The following SPATA16 variants were observed in gnomAD, a reference collection of about 807,000 sequenced individuals.
The protein encoded by SPATA16 is spermatogenesis-associated protein 16.
A neutral mutation model predicts 63.3 loss-of-function variants in SPATA16; 36 were observed. That is an observed-to-expected ratio of 0.57 (90% CI 0.44 to 0.75). SPATA16 has a LOEUF of 0.75. Among genes scored for constraint, SPATA16 ranks in the 30% least tolerant of loss-of-function variants. The pLI, the probability that SPATA16 is intolerant of heterozygous loss-of-function variation, is 0.00. For synonymous variants in SPATA16, 203 were observed against 216.7 expected (o/e 0.94, Z 0.56); for missense variants, 646 against 679.3 (o/e 0.95, Z 0.54).
At chr3:172,957,765 AAAC>A (rs1176313528) in intron 5 of SPATA16, among the ~76,000 whole-genome samples, 2 of 152,208 alleles carry the variant, frequency 1.3e-5, no homozygotes, top group African/African-American at 4.8e-5. Flanking sequence ...ACCATTTAAC[AAAC>A]AACAATTTAC....
chr3:172,897,465 A>G (rs145125722), intron 10 of SPATA16, among the ~76,000 whole-genome samples: 1 of 152,114 alleles, frequency 6.6e-6, no homozygotes, highest in Admixed American at 6.5e-5. Flanking sequence ...CTTTGATTTC[A>G]TCACTGTTTT....
chr3:172,905,542 C>G (rs1322541962), intron 10 of SPATA16, among the ~76,000 whole-genome samples: 2 of 152,198 alleles, frequency 1.3e-5, no homozygotes, highest in African/African-American at 4.8e-5. Flanking sequence ...AATTTGTATT[C>G]TCTCCTGTTT....
At chr3:173,089,458 CTG>C (rs1268818284) in intron 2 of SPATA16, among the ~76,000 whole-genome samples, 1 of 152,146 alleles carries the variant, frequency 6.6e-6, no homozygotes, top group Admixed American at 6.5e-5. Flanking sequence ...GAGGCAGTGA[CTG>C]TGAGGAGTTA....
intron 4 of SPATA16, among the ~76,000 whole-genome samples, chr3:173,002,231 G>C (rs1734844343): frequency 6.6e-6 from 1 of 152,114 alleles, no homozygotes; most frequent in Admixed American, 6.6e-5. Flanking sequence ...ATAATTAAGA[G>C]AGTTTTTGGT....
intron 4 of SPATA16, among the ~76,000 whole-genome samples, chr3:172,983,957 C>A (rs531287432): frequency 6.6e-6 from 1 of 152,034 alleles, no homozygotes; most frequent in Non-Finnish European, 1.5e-5. Flanking sequence ...CACCCCCACC[C>A]CCTGGCCCCG....
rs924178760 is a variant in SPATA16, at chr3:172,942,981, G to T, written c.1081+13696C>A. ...TGAAAGTTAGAAAATATTTTGAGAT[G>T]AAATACAATGAAAGTGTTTTTCAAA... On this transcript the variant is annotated intron_variant, in intron 6 of 10. Transcript: ENST00000351008. 2.0e-5 allele frequency among the ~76,000 whole-genome samples: 3 copies of T among 152,236 alleles called. No individual in the cohort carries two copies. In the East Asian group the frequency reaches 5.8e-4, roughly 29 times the overall value.
chr3:172,986,152 G>C (rs1734451052), intron 4 of SPATA16, among the ~76,000 whole-genome samples: 1 of 152,276 alleles, frequency 6.6e-6, no homozygotes, highest in East Asian at 1.9e-4. Flanking sequence ...GACCCCATTT[G>C]CTGTCTGGAA....
chr3:172,965,101 A>C (rs188867706), intron 5 of SPATA16, among the ~76,000 whole-genome samples: 5 of 152,214 alleles, frequency 3.3e-5, no homozygotes, highest in African/African-American at 7.2e-5. Context: ...TGCTGTAGAT[A>C]AACTATTCTG....
chr3:172,976,818 T>C (rs1734170163), intron 5 of SPATA16, 150 bp downstream of exon 5: 1 of 688,842 alleles, frequency 1.5e-6, no homozygotes, highest in Non-Finnish European at 2.6e-6. Flanking sequence ...GAAAATCTAC[T>C]TCGTTATGAA....
intron 6 of SPATA16, among the ~76,000 whole-genome samples, chr3:172,942,889 T>TTTC (rs1733188938): frequency 6.6e-6 from 1 of 150,788 alleles, no homozygotes; most frequent in Non-Finnish European, 1.5e-5. Flanking sequence ...TAGCTAAACG[T>TTTC]TTCTATACAT....
At chr3:173,028,777 T>A (rs1469288050) in intron 3 of SPATA16, among the ~76,000 whole-genome samples, 1 of 152,050 alleles carries the variant, frequency 6.6e-6, no homozygotes, top group Non-Finnish European at 1.5e-5. Context: ...TAACAAGTGA[T>A]GTTTTCACTG....
chr3:172,927,489 C>G (rs1051739569), intron 6 of SPATA16, among the ~76,000 whole-genome samples: 3 of 152,172 alleles, frequency 2.0e-5, no homozygotes, highest in African/African-American at 7.2e-5. Context: ...CAAGGTCACC[C>G]CTTACTGTTA....
intron 5 of SPATA16, among the ~76,000 whole-genome samples, chr3:172,974,565 A>G (rs1364207833): frequency 6.6e-6 from 1 of 151,976 alleles, no homozygotes; most frequent in African/African-American, 2.4e-5. Context: ...ATCAAGATCA[A>G]GGAGAAGCTG....
Position 173,049,043 on chromosome 3 carries a change from C to G in SPATA16, c.664G>C (p.Asp222His). The change falls in exon 3 of 11, where the codon GAT (aspartate) becomes CAT (histidine). Residue 222 changes from aspartate (D) to histidine (H), a missense_variant. Transcript: ENST00000351008. ...LGEPFDAPAEDIASVASFIET... is the reference protein window; with the variant it reads ...LGEPFDAPAEHIASVASFIET... ...ATGAAACTTGCCACGCTTGCTATATCTTCAGCAGGTGCATCAAATGGTTCT... is the reference window on the plus strand; with the variant it reads ...ATGAAACTTGCCACGCTTGCTATATGTTCAGCAGGTGCATCAAATGGTTCT... 6.2e-7 allele frequency: 1 copy of G among 1,613,808 alleles called. No homozygotes were observed. The highest frequency in any genetic ancestry group is 8.5e-7 in the Non-Finnish European group (1 of 1,179,790).
intron 4 of SPATA16, among the ~76,000 whole-genome samples, chr3:172,993,236 T>G (rs1312487028): frequency 1.3e-5 from 2 of 151,626 alleles, no homozygotes; most frequent in African/African-American, 4.8e-5. Flanking sequence ...AATTAAATAG[T>G]GGCAAGTGAC....
intron 10 of SPATA16, among the ~76,000 whole-genome samples, chr3:172,907,413 T>G (rs1328894138): frequency 4.6e-5 from 7 of 152,208 alleles, no homozygotes; most frequent in Admixed American, 2.6e-4. Flanking sequence ...TATTCTTGCC[T>G]TCTTCAATCT....
chr3:173,098,329 G>A (rs559476569), intron 2 of SPATA16, among the ~76,000 whole-genome samples: 3 of 152,258 alleles, frequency 2.0e-5, no homozygotes, highest in South Asian at 2.1e-4. Context: ...TCAAGGCCAC[G>A]TGCACGCATT....
At chr3:172,960,986 T>C (rs1257502855) in intron 5 of SPATA16, among the ~76,000 whole-genome samples, 1 of 150,102 alleles carries the variant, frequency 6.7e-6, no homozygotes, top group Non-Finnish European at 1.5e-5. Flanking sequence ...TCTCTTTCTC[T>C]TTCTTTTTTC....
At chr3:172,924,708 G>A (rs1732688915) in intron 7 of SPATA16, among the ~76,000 whole-genome samples, 1 of 152,156 alleles carries the variant, frequency 6.6e-6, no homozygotes, top group African/African-American at 2.4e-5. Context: ...TTTGAATGTA[G>A]CTCAAAGTTC....
Sources: allele counts gnomAD v4.1 joint callset (sites outside exome capture counted in the v4.1 genomes callset), GRCh38; gene constraint gnomAD v4.1.1; transcripts MANE v1.5; gene names NCBI Gene and HGNC (gene_info 2026-07-23, HGNC 2026-07-21).